The following DPY19L3 variants were observed in gnomAD, a reference collection of about 807,000 sequenced individuals.
DPY19L3 encodes the protein protein C-mannosyl-transferase DPY19L3.
In DPY19L3, 51 loss-of-function variants were observed where a neutral mutation model predicts 92.3. The ratio of observed to expected loss-of-function variants is 0.55; its 90% CI spans 0.44 to 0.70. The LOEUF (loss-of-function observed/expected upper bound fraction) is 0.70, where lower values mean the gene tolerates loss of function less well. DPY19L3 is among the 30% of genes least tolerant of loss of function. The probability of loss-of-function intolerance (pLI) is 0.00; values close to 1 mark genes in which losing one functional copy is unlikely to be tolerated. For synonymous variants in DPY19L3, 309 were observed against 315.2 expected (o/e 0.98, Z 0.21); for missense variants, 706 against 855.9 (o/e 0.82, Z 2.18).
chr19:32,472,893 AT>A (rs890385084), intron 16 of DPY19L3, among the ~76,000 whole-genome samples: 2 of 152,220 alleles, frequency 1.3e-5, no homozygotes, highest in African/African-American at 4.8e-5. Flanking sequence ...TTTCTTTCAC[AT>A]TTAACCAAAG....
chr19:32,441,962 CTT>C (rs1969339393), intron 8 of DPY19L3, among the ~76,000 whole-genome samples: 1 of 152,124 alleles, frequency 6.6e-6, no homozygotes, highest in African/African-American at 2.4e-5. Flanking sequence ...AAGTATCAGA[CTT>C]TAAGGAGGAA....
At chr19:32,475,939 A>T (rs1053043521) in intron 16 of DPY19L3, among the ~76,000 whole-genome samples, 2 of 152,158 alleles carry the variant, frequency 1.3e-5, no homozygotes, top group Non-Finnish European at 2.9e-5. Flanking sequence ...GATGCATATT[A>T]TGTGTCATTA....
rs1970737221 is a variant in DPY19L3, at chr19:32,483,965, AT to A, written c.*1729del. The A allele has an allele frequency of 6.6e-6, 1 of 152,586 alleles. No homozygotes were observed. The highest frequency in any genetic ancestry group is 2.4e-5 in the African/African-American group (1 of 41,426). 9.5% of individuals were successfully genotyped at this position (152,586 alleles called of 1,614,324 possible). ...AAGGTACAATATGTTAGACTCTGTG[AT>A]TTTGTTTTCAAAATCCTCTGTTATG... is the stretch of plus-strand genomic sequence containing the variant. On this transcript the variant is annotated 3_prime_UTR_variant, in exon 19 of 19. Transcript: ENST00000392250.
intron 1 of DPY19L3, 82 bp from the exon 2 acceptor site, chr19:32,408,135 G>A (rs1297634754): frequency 8.5e-6 from 6 of 703,548 alleles, no homozygotes; most frequent in Non-Finnish European, 1.2e-5. Flanking sequence ...AATGGCATAA[G>A]TAAAGGCATT....
At chr19:32,418,449 T>C (rs1968451137) in intron 3 of DPY19L3, among the ~76,000 whole-genome samples, 3 of 152,252 alleles carry the variant, frequency 2.0e-5, no homozygotes, top group African/African-American at 4.8e-5. Context: ...CATGTGGCTA[T>C]TGAACACTTG....
At chr19:32,447,648 G>A (rs764043631) in intron 8 of DPY19L3, among the ~76,000 whole-genome samples, 6 of 152,122 alleles carry the variant, frequency 3.9e-5, no homozygotes, top group African/African-American at 4.8e-5. Context: ...TCCAGTAGGC[G>A]AAGGTTGCAG....
rs73567553 is a variant in DPY19L3, at chr19:32,439,725, G to T, written c.721-51G>T. On this transcript the variant is annotated intron_variant, in intron 7 of 18. Coordinates refer to ENST00000392250, the MANE Select transcript of DPY19L3 (RefSeq NM_001172774.2). ...GCTCTTGAGAAAACTTGTCTGCAAG[G>T]TTTTTTATTACTAGAGACATGTAAA... 7.3e-3 allele frequency: 11,613 copies of T among 1,583,570 alleles called. 731 individuals carry two copies. In the African/African-American group the frequency reaches 0.14, roughly 19 times the overall value.
At chr19:32,467,658 A>T (rs1451542312) in intron 15 of DPY19L3, 3 of 987,512 alleles carry the variant, frequency 3.0e-6, no homozygotes, top group Non-Finnish European at 3.6e-6. Flanking sequence ...TGGTTCTTAA[A>T]TAAAAGTATT....
intron 8 of DPY19L3, among the ~76,000 whole-genome samples, chr19:32,444,920 A>AAAC (rs1555721320): frequency 2.0e-5 from 3 of 151,228 alleles, no homozygotes; most frequent in African/African-American, 7.3e-5. Flanking sequence ...CCATCTCTAT[A>AAAC]AATAATAATA....
intron 8 of DPY19L3, among the ~76,000 whole-genome samples, chr19:32,446,758 A>T (rs1331545067): frequency 6.6e-6 from 1 of 152,232 alleles, no homozygotes; most frequent in East Asian, 1.9e-4. Flanking sequence ...AGAAAAATTC[A>T]CAATCGCAGT....
At chr19:32,451,731 AGTTGT>A (rs1969706588) in intron 8 of DPY19L3, among the ~76,000 whole-genome samples, 1 of 152,024 alleles carries the variant, frequency 6.6e-6, no homozygotes, top group Non-Finnish European at 1.5e-5. Context: ...TATTCAAGTT[AGTTGT>A]GTTTTGCTTC....
chr19:32,480,601 C>T (rs780810698), intron 18 of DPY19L3, 44 bp downstream of exon 18: 24 of 1,570,614 alleles, frequency 1.5e-5, no homozygotes, highest in African/African-American at 4.1e-5. Flanking sequence ...CCTGGAGGGG[C>T]GGGACTCTGA....
intron 9 of DPY19L3, among the ~76,000 whole-genome samples, chr19:32,453,698 T>C (rs947788809): frequency 1.3e-5 from 2 of 152,170 alleles, no homozygotes; most frequent in Admixed American, 1.3e-4. Flanking sequence ...GTAATGCTAC[T>C]CTTTTCCCCA....
chr19:32,413,056 A>G (rs1259527767), intron 3 of DPY19L3: 2 of 152,172 alleles, frequency 1.3e-5, no homozygotes, highest in Non-Finnish European at 2.9e-5. Context: ...GAACTCGTAT[A>G]TAACTTACAT....
At chr19:32,478,086 C>T (rs1970566309) in intron 17 of DPY19L3, among the ~76,000 whole-genome samples, 1 of 152,172 alleles carries the variant, frequency 6.6e-6, no homozygotes, top group African/African-American at 2.4e-5. Flanking sequence ...TGTGGGACTT[C>T]AAGATGTGAT....
rs1346565162 is a variant in DPY19L3, at chr19:32,453,251, C to G, written c.962C>G (p.Ser321Ter). The change falls in exon 9 of 19, where the codon TCA (serine) becomes TGA (stop). Residue 321 changes from serine (S) to a stop codon, truncating the protein, a stop_gained. Transcript: ENST00000392250. LOFTEE classifies it high-confidence loss of function. Reference protein sequence around the residue: ...LGSLLISFNLSVFIARKLQKN... With the variant: ...LGSLLISFNL ...TCACTGCTTATCAGTTTTAACCTTT[C>G]AGTATTCATTGCAAGAAAACTTCAG... 6.2e-7 allele frequency: 1 copy of G among 1,611,936 alleles called. No individual in the cohort carries two copies. The highest frequency in any genetic ancestry group is 8.5e-7 in the Non-Finnish European group (1 of 1,179,564).
At chr19:32,469,050 C>T (rs1197164302) in intron 16 of DPY19L3, 9 of 274,750 alleles carry the variant, frequency 3.3e-5, no homozygotes, top group East Asian at 6.5e-5. Flanking sequence ...AGAGGAAAAC[C>T]GATTCAATAA....
At chr19:32,421,292 C>G (rs1336658798) in intron 3 of DPY19L3, among the ~76,000 whole-genome samples, 1 of 152,156 alleles carries the variant, frequency 6.6e-6, no homozygotes, top group African/African-American at 2.4e-5. Context: ...TAATCAAGTT[C>G]CAGCTTTGAT....
intron 3 of DPY19L3, among the ~76,000 whole-genome samples, chr19:32,422,542 A>G (rs1301887603): frequency 6.6e-6 from 1 of 152,084 alleles, no homozygotes; most frequent in Non-Finnish European, 1.5e-5. Flanking sequence ...ACAGTATGAG[A>G]AAGCAAGTGA....
Sources: allele counts gnomAD v4.1 joint callset (sites outside exome capture counted in the v4.1 genomes callset), GRCh38; gene constraint gnomAD v4.1.1; transcripts MANE v1.5; gene names NCBI Gene and HGNC (gene_info 2026-07-23, HGNC 2026-07-21).